Variants in RAD51B observed in about 807,000 individuals in gnomAD.
The protein encoded by RAD51B is RAD51 paralog B, also known as DNA repair protein RAD51 homolog 2.
In RAD51B, 38 loss-of-function variants were observed where a neutral mutation model predicts 42.2. The observed-to-expected ratio is 0.90, with a 90% CI of 0.70 to 1.18. The LOEUF is 1.18. Ranked by LOEUF, RAD51B falls within the 50% of genes most tolerant of loss-of-function variation. The probability of loss-of-function intolerance (pLI) is 0.00; values close to 1 mark genes in which losing one functional copy is unlikely to be tolerated. For synonymous variants in RAD51B, 154 were observed against 145.2 expected, an observed-to-expected ratio of 1.06 and a Z score of -0.43; for missense variants, 373 against 400.7, an observed-to-expected ratio of 0.93 and a Z score of 0.59.
chr14:68,204,706 T>TA (rs1174479934), intron 7 of RAD51B, among the ~76,000 whole-genome samples: 1 of 152,170 alleles, frequency 6.6e-6, no homozygotes, highest in Non-Finnish European at 1.5e-5. Flanking sequence ...TTTAATTTTT[T>TA]AAAAAATAGC....
downstream of RAD51B, among the ~76,000 whole-genome samples, chr14:68,600,947 C>G (rs1417878011): frequency 6.6e-6 from 1 of 152,096 alleles, no homozygotes; most frequent in Non-Finnish European, 1.5e-5. Context: ...TACTTTACAG[C>G]TCTAGAGAAT....
At chr14:68,629,034 AG>A (rs1892163093) in intron 10 of RAD51B, among the ~76,000 whole-genome samples, 1 of 152,184 alleles carries the variant, frequency 6.6e-6, no homozygotes, top group Non-Finnish European at 1.5e-5. Flanking sequence ...GGGGCTCGAG[AG>A]ACGGCTGCAG....
chr14:68,182,975 T>C (rs1427931620), intron 7 of RAD51B, among the ~76,000 whole-genome samples: 1 of 152,230 alleles, frequency 6.6e-6, no homozygotes, highest in African/African-American at 2.4e-5. Context: ...TTCCAACTTA[T>C]GATGTTGGTT....
intron 7 of RAD51B, among the ~76,000 whole-genome samples, chr14:68,077,173 A>T (rs184144923): frequency 6.6e-6 from 1 of 152,348 alleles, no homozygotes; most frequent in Non-Finnish European, 1.5e-5. Context: ...GAAGTAAGTC[A>T]TGGGCTAGAT....
chr14:67,833,734 A>AG (rs2041135464), intron 3 of RAD51B, among the ~76,000 whole-genome samples: 1 of 152,238 alleles, frequency 6.6e-6, no homozygotes, highest in South Asian at 2.1e-4. Context: ...AATGTTGACC[A>AG]GGGGTAACTG....
At position 68,568,228 on chromosome 14, in the gene RAD51B, G is replaced by C. The variant is rs116625982; in HGVS notation, c.1037-26257G>C. 7.8e-3 allele frequency among the ~76,000 whole-genome samples: 1,192 copies of C among 152,324 alleles called. 13 individuals are homozygous for C. Among genetic ancestry groups the C allele is most frequent in the African/African-American group, 0.026 (1,088 of 41,572 alleles). On this transcript the variant is annotated intron_variant, in intron 10 of 10. Coordinates refer to the RAD51B transcript ENST00000487270. The stretch of plus-strand genomic sequence containing the variant: ...CATAATACAATGTGAAAAGTGCTAA[G>C]ATAGAAACATGGGTAAAGGAGATGG...
At chr14:68,326,064 G>A (rs2082246861) in intron 8 of RAD51B, among the ~76,000 whole-genome samples, 1 of 94,588 alleles carries the variant, frequency 1.1e-5, no homozygotes, top group Non-Finnish European at 2.1e-5. Flanking sequence ...TTTTGAGACG[G>A]AGTTTCACGC....
chr14:67,977,716 G>A (rs1487005880), intron 7 of RAD51B, among the ~76,000 whole-genome samples: 1 of 152,198 alleles, frequency 6.6e-6, no homozygotes, highest in Non-Finnish European at 1.5e-5. Flanking sequence ...GTTAAAGTCA[G>A]GTAATGATAT....
intron 11 of RAD51B, among the ~76,000 whole-genome samples, chr14:68,675,781 ATTG>A (rs1893290299): frequency 1.3e-5 from 2 of 152,172 alleles, no homozygotes; most frequent in Non-Finnish European, 2.9e-5. Context: ...TAGCCCAGGC[ATTG>A]TTCTCTCATC....
At chr14:67,903,852 C>G (rs747477323) in intron 7 of RAD51B, among the ~76,000 whole-genome samples, 1 of 152,218 alleles carries the variant, frequency 6.6e-6, no homozygotes, top group Non-Finnish European at 1.5e-5. Context: ...TTTCATTACC[C>G]AGGTAATAAG....
At chr14:68,067,819 C>T (rs2076678388) in intron 7 of RAD51B, among the ~76,000 whole-genome samples, 1 of 150,352 alleles carries the variant, frequency 6.7e-6, no homozygotes, top group African/African-American at 2.5e-5. Context: ...ACAGTCCTAG[C>T]TACTAGGGAG....
At chr14:68,338,743 G>T in intron 8 of RAD51B, 1 of 430,916 alleles carries the variant, frequency 2.3e-6, no homozygotes, top group South Asian at 2.0e-5. Context: ...CCAGTTCAGT[G>T]GCAAAGTTCT....
At chr14:68,385,744 A>AT (rs1457539003) in intron 8 of RAD51B, among the ~76,000 whole-genome samples, 1 of 152,112 alleles carries the variant, frequency 6.6e-6, no homozygotes, top group African/African-American at 2.4e-5. Flanking sequence ...GTGAAAGGGT[A>AT]TTTTCTGAGA....
Position 67,992,130 on chromosome 14 carries a change from T to C in RAD51B, c.756+104926T>C, listed in dbSNP as rs190005215. Among the ~76,000 whole-genome samples the C allele has an allele frequency of 3.4e-3, 514 of 152,318 alleles. 6 individuals carry two copies. The highest frequency in any genetic ancestry group is 0.012 in the African/African-American group (483 of 41,576). On this transcript the variant is annotated intron_variant, in intron 7 of 10. Transcript: ENST00000471583. ...TATTCTATGCATCGGACTATTTTGT[T>C]CTGATTATCGCAGTCTGAGAGTGAT...
chr14:68,681,541 T>C (rs189361955), intron 11 of RAD51B, among the ~76,000 whole-genome samples: 1 of 152,286 alleles, frequency 6.6e-6, no homozygotes, highest in East Asian at 1.9e-4. Flanking sequence ...GCAGGCAAGA[T>C]GGAGCAGGCA....
At chr14:68,291,861 C>T in intron 7 of RAD51B, 23 bp from the exon 8 acceptor site, 1 of 1,573,212 alleles carries the variant, frequency 6.4e-7, no homozygotes, top group Non-Finnish European at 8.7e-7. Flanking sequence ...TGCCCCCTAC[C>T]CCTTCTCCCT....
chr14:68,469,615 C>T (rs1189403851), intron 10 of RAD51B, among the ~76,000 whole-genome samples: 1 of 152,234 alleles, frequency 6.6e-6, no homozygotes, highest in African/African-American at 2.4e-5. Context: ...CTCTTTGTTA[C>T]ATACTCTCTA....
intron 8 of RAD51B, among the ~76,000 whole-genome samples, chr14:68,321,143 A>G (rs576492146): frequency 6.6e-5 from 10 of 152,196 alleles, no homozygotes; most frequent in Admixed American, 1.3e-4. Flanking sequence ...CCAATTCTAA[A>G]AGGAAATTGA....
At chr14:68,624,388 G>A (rs1892024672) in intron 10 of RAD51B, among the ~76,000 whole-genome samples, 1 of 152,112 alleles carries the variant, frequency 6.6e-6, no homozygotes, top group Non-Finnish European at 1.5e-5. Context: ...TATGGTTCTG[G>A]GGAAGCTAAG....
Sources: gnomAD v4.1 joint callset for allele counts (sites outside exome capture counted in the v4.1 genomes callset) on GRCh38, gnomAD v4.1.1 for gene constraint, MANE v1.5 for transcripts, NCBI Gene and HGNC (gene_info 2026-07-23, HGNC 2026-07-21) for gene names.